The following NAALADL2 variants were observed in gnomAD, a reference collection of about 807,000 sequenced individuals.
NAALADL2 encodes the protein inactive N-acetylated-alpha-linked acidic dipeptidase-like protein 2.
A neutral mutation model predicts 87.2 loss-of-function variants in NAALADL2; 76 were observed. The observed-to-expected ratio is 0.87, with a 90% confidence interval of 0.72 to 1.05. NAALADL2 has a LOEUF of 1.05. Among genes scored for constraint, NAALADL2 ranks in the 50% least tolerant of loss-of-function variants. NAALADL2 has a pLI of 0.00. For synonymous variants in NAALADL2, 354 were observed against 331.0 expected (o/e 1.07, Z -0.75); for missense variants, 1,089 against 945.8 (o/e 1.15, Z -1.99).
intron 1 of NAALADL2, among the ~76,000 whole-genome samples, chr3:174,874,549 G>A (rs1280738491): frequency 6.6e-6 from 1 of 152,098 alleles, no homozygotes; most frequent in Non-Finnish European, 1.5e-5. Flanking sequence ...GCAAGTATTG[G>A]CCTCAAGAGA....
chr3:174,885,921 T>G (rs1730078887), intron 1 of NAALADL2, among the ~76,000 whole-genome samples: 1 of 71,008 alleles, frequency 1.4e-5, no homozygotes, highest in Non-Finnish European at 2.6e-5. Flanking sequence ...TTTTTTTTTT[T>G]TTTTTTTTTT....
rs1402938248 is a variant in NAALADL2 at position 175,277,499 on chromosome 3, T to TA, written c.939+20970dup. On this transcript the variant is annotated intron_variant, in intron 4 of 13. Transcript: ENST00000454872. ...AAGGACTGTGACCAATCTATTAATG[T>TA]AGTTCAATGGCCAAACATCCAGAGA... 2.0e-5 allele frequency among the ~76,000 whole-genome samples: 3 copies of TA among 152,304 alleles called. No individual in the cohort carries two copies. In the East Asian group the frequency reaches 5.8e-4, roughly 29 times the overall value.
intron 11 of NAALADL2, among the ~76,000 whole-genome samples, chr3:175,660,989 T>A (rs1437010040): frequency 6.6e-6 from 1 of 152,122 alleles, no homozygotes; most frequent in Non-Finnish European, 1.5e-5. Flanking sequence ...ATATACTGAT[T>A]TTCTTTCTTT....
chr3:174,826,459 G>C (rs1402452584), intron 3 of NAALADL2, among the ~76,000 whole-genome samples: 1 of 152,120 alleles, frequency 6.6e-6, no homozygotes, highest in Non-Finnish European at 1.5e-5. Flanking sequence ...AAATTACTTG[G>C]CACATAGTGA....
At chr3:174,663,426 C>A (rs2108783475) in intron 2 of NAALADL2, among the ~76,000 whole-genome samples, 1 of 152,176 alleles carries the variant, frequency 6.6e-6, no homozygotes, top group South Asian at 2.1e-4. Flanking sequence ...GCAGGCTGTA[C>A]AAGAAGTATG....
At chr3:175,639,882 T>G (rs999905392) in intron 11 of NAALADL2, among the ~76,000 whole-genome samples, 1 of 152,100 alleles carries the variant, frequency 6.6e-6, no homozygotes, top group African/African-American at 2.4e-5. Context: ...TTGTAGAGTT[T>G]AGCAATCTTG....
intron 13 of NAALADL2, among the ~76,000 whole-genome samples, chr3:175,779,538 T>C (rs1750729049): frequency 6.6e-6 from 1 of 152,064 alleles, no homozygotes; most frequent in Non-Finnish European, 1.5e-5. Flanking sequence ...GCATTAAGCA[T>C]ATAAACTTCA....
At chr3:175,267,395 A>AT (rs899341354) in intron 4 of NAALADL2, among the ~76,000 whole-genome samples, 9 of 151,824 alleles carry the variant, frequency 5.9e-5, no homozygotes, top group Admixed American at 3.9e-4. Context: ...TAAGTAATTT[A>AT]TTTTTTTTAC....
intron 11 of NAALADL2, among the ~76,000 whole-genome samples, chr3:175,652,559 A>G (rs1730914721): frequency 6.7e-6 from 1 of 149,996 alleles, no homozygotes; most frequent in Non-Finnish European, 1.5e-5. Flanking sequence ...GCTCACTGCA[A>G]GCTCCGCCTC....
chr3:175,781,408 G>GTGTT (rs1751048115), intron 13 of NAALADL2, among the ~76,000 whole-genome samples: 2 of 152,080 alleles, frequency 1.3e-5, no homozygotes, highest in Admixed American at 1.3e-4. Flanking sequence ...CATGACTCAT[G>GTGTT]TGTTTGTAGT....
intron 9 of NAALADL2, among the ~76,000 whole-genome samples, chr3:175,511,424 G>T (rs1290672344): frequency 5.9e-5 from 9 of 152,160 alleles, no homozygotes; most frequent in Admixed American, 5.9e-4. Context: ...GACATACAAA[G>T]AAAGAACAGG....
intron 1 of NAALADL2, among the ~76,000 whole-genome samples, chr3:174,530,346 T>C (rs1313308872): frequency 6.6e-6 from 1 of 152,174 alleles, no homozygotes; most frequent in Non-Finnish European, 1.5e-5. Flanking sequence ...GTCTATATCA[T>C]TATCAGCATT....
chr3:174,704,520 T>A (rs1340319954), intron 2 of NAALADL2, among the ~76,000 whole-genome samples: 1 of 152,098 alleles, frequency 6.6e-6, no homozygotes. Flanking sequence ...ATAAATTTGT[T>A]CATAATACCA....
chr3:174,463,049 T>A (rs1716304952), intron 1 of NAALADL2, among the ~76,000 whole-genome samples: 1 of 152,212 alleles, frequency 6.6e-6, no homozygotes, highest in African/African-American at 2.4e-5. Flanking sequence ...CAGTGTGCAG[T>A]GAATCACCTT....
Position 175,084,626 on chromosome 3 carries a change from A to G in NAALADL2, c.44-12164A>G, listed in dbSNP as rs1209638062. 2.0e-5 allele frequency among the ~76,000 whole-genome samples: 3 copies of G among 152,334 alleles called. No homozygotes were observed. In the East Asian group the frequency reaches 5.8e-4, roughly 29 times the overall value. On this transcript the variant is annotated intron_variant, in intron 1 of 13. Coordinates refer to ENST00000454872, the MANE Select transcript of NAALADL2 (RefSeq NM_207015.3). Reference sequence around the variant, plus strand: ...TTAAATGATTTCTCTTAAGGTATATATGTATTCCTAAAAGAGCATAGATAT... The same window carrying G: ...TTAAATGATTTCTCTTAAGGTATATGTGTATTCCTAAAAGAGCATAGATAT...
chr3:175,048,063 G>A (rs1258902312), intron 1 of NAALADL2, among the ~76,000 whole-genome samples: 2 of 152,102 alleles, frequency 1.3e-5, no homozygotes, highest in Non-Finnish European at 1.5e-5. Context: ...TATGTCTTTG[G>A]TAGTGGGATT....
intron 11 of NAALADL2, among the ~76,000 whole-genome samples, chr3:175,706,315 C>G (rs1035138302): frequency 1.3e-5 from 2 of 151,982 alleles, no homozygotes; most frequent in African/African-American, 4.8e-5. Context: ...GTACCAAACT[C>G]TAAATATAAT....
chr3:175,681,267 T>C (rs1735558025), intron 11 of NAALADL2, among the ~76,000 whole-genome samples: 1 of 152,184 alleles, frequency 6.6e-6, no homozygotes, highest in Admixed American at 6.6e-5. Context: ...TAAAAATAAA[T>C]ACCAAATATT....
intron 11 of NAALADL2, among the ~76,000 whole-genome samples, chr3:175,642,844 G>A (rs906032778): frequency 8.5e-5 from 13 of 152,150 alleles, no homozygotes; most frequent in Non-Finnish European, 4.4e-5. Context: ...GAGGAAAGCA[G>A]CCCTATTCCA....
Sources: gnomAD v4.1 joint callset for allele counts (sites outside exome capture counted in the v4.1 genomes callset) on GRCh38, gnomAD v4.1.1 for gene constraint, MANE v1.5 for transcripts, NCBI Gene and HGNC (gene_info 2026-07-23, HGNC 2026-07-21) for gene names.